The following CPN1 variants were observed in gnomAD, a reference collection of about 807,000 sequenced individuals.
The protein encoded by CPN1 is carboxypeptidase N catalytic chain.
Under a neutral mutation model 46.4 loss-of-function variants are expected in CPN1, and 37 were observed. The observed-to-expected ratio is 0.80, with a 90% confidence interval of 0.61 to 1.05. The LOEUF (loss-of-function observed/expected upper bound fraction) is 1.05, where lower values mean the gene tolerates loss of function less well. CPN1 is among the 50% of genes least tolerant of loss of function. The pLI is 0.00. For missense variants in CPN1, 563 were observed against 602.6 expected (o/e 0.93, Z 0.69); for synonymous variants, 224 against 235.4 (o/e 0.95, Z 0.44).
At chr10:100,048,650 A>G (rs555067553) in intron 8 of CPN1, 108 bp downstream of exon 8, 14 of 844,980 alleles carry the variant, frequency 1.7e-5, no homozygotes, top group African/African-American at 1.2e-4. Flanking sequence ...AGTGAGCCAC[A>G]GTGGTGCCAC....
At chr10:100,069,973 A>G in intron 2 of CPN1, 104 bp from the exon 3 acceptor site, 1 of 1,339,158 alleles carries the variant, frequency 7.5e-7, no homozygotes, top group Non-Finnish European at 1.1e-6. Flanking sequence ...CCCAGGCTGA[A>G]GTGCAGTGGT....
intron 1 of CPN1, among the ~76,000 whole-genome samples, chr10:100,078,124 T>A (rs911490696): frequency 1.3e-5 from 2 of 152,130 alleles, no homozygotes; most frequent in African/African-American, 4.8e-5. Context: ...TAGCTCAGGA[T>A]AGCCTCTCGA....
intron 3 of CPN1, among the ~76,000 whole-genome samples, chr10:100,068,647 C>T (rs1479676663): frequency 1.3e-5 from 2 of 152,180 alleles, no homozygotes; most frequent in Non-Finnish European, 2.9e-5. Context: ...TAAACTCCTT[C>T]AAGGGATCCT....
Position 100,042,581 on chromosome 10 carries a change from A to T in CPN1, c.1231-8T>A. 1 of 1,613,694 alleles carries T rather than the reference A, an allele frequency of 6.2e-7. No homozygotes were observed. Among genetic ancestry groups the T allele is most frequent in the Non-Finnish European group, 8.5e-7 (1 of 1,179,856 alleles). Reference sequence around the variant, plus strand: ...TTTGAGGTGGAAGTTAACCTGGAAGAAAAAAAGCAGGAGCTACGAGATCCG... The same window carrying T: ...TTTGAGGTGGAAGTTAACCTGGAAGTAAAAAAGCAGGAGCTACGAGATCCG... On this transcript the variant is annotated splice_region_variant and splice_polypyrimidine_tract_variant and intron_variant, in intron 8 of 8. Transcript: ENST00000370418.
At chr10:100,056,910 T>A in intron 6 of CPN1, 103 bp downstream of exon 6, 1 of 1,422,852 alleles carries the variant, frequency 7.0e-7, no homozygotes, top group Non-Finnish European at 9.9e-7. Context: ...TCTATTGGAC[T>A]GAGTCAGAGC....
intron 1 of CPN1, among the ~76,000 whole-genome samples, chr10:100,078,507 A>G (rs1043593212): frequency 1.3e-4 from 20 of 152,196 alleles, no homozygotes; most frequent in African/African-American, 4.8e-4. Context: ...TTTAAAGTCT[A>G]TTATCCAGAG....
At chr10:100,054,498 CAGTGTTTTAG>C (rs1564771813) in intron 6 of CPN1, 52 bp from the exon 7 acceptor site, 1 of 1,468,156 alleles carries the variant, frequency 6.8e-7, no homozygotes. Flanking sequence ...ACCATTTGTA[CAGTGTTTTAG>C]AGTCTCAAAG....
intron 6 of CPN1, 101 bp from the exon 7 acceptor site, chr10:100,054,547 C>T: frequency 1.1e-6 from 1 of 944,952 alleles, no homozygotes; most frequent in Non-Finnish European, 1.7e-6. Context: ...TGTATTTTAT[C>T]TTCACAAAGA....
chr10:100,071,419 CT>C (rs933230716), intron 2 of CPN1, among the ~76,000 whole-genome samples: 2 of 152,108 alleles, frequency 1.3e-5, no homozygotes, highest in African/African-American at 4.8e-5. Context: ...TTCTTTGGCT[CT>C]TAGACCCATC....
chr10:100,073,186 C>G (rs542766001), intron 2 of CPN1, among the ~76,000 whole-genome samples: 1 of 152,238 alleles, frequency 6.6e-6, no homozygotes, highest in East Asian at 1.9e-4. Context: ...CTTTAAGTTT[C>G]CTACATCAGT....
chr10:100,063,949 T>C (rs2133439459), intron 4 of CPN1, among the ~76,000 whole-genome samples: 1 of 152,334 alleles, frequency 6.6e-6, no homozygotes, highest in Non-Finnish European at 1.5e-5. Context: ...TGTGTGAATG[T>C]GACTGTGTGT....
Position 100,081,705 on chromosome 10 carries a change from C to G in CPN1, c.-80G>C. 1 of 1,173,982 alleles carries G rather than the reference C, an allele frequency of 8.5e-7. No individual in the cohort carries two copies. The highest frequency in any genetic ancestry group is 1.3e-5 in the South Asian group (1 of 77,460). The allele number at this position is 1,173,982 out of a possible 1,614,324, so 72.7% of individuals were successfully genotyped here. On this transcript the variant is annotated 5_prime_UTR_variant, in exon 1 of 9. Transcript: ENST00000370418. ...ACCTAGCCTCTTCACCCGCCAAAAT[C>G]CAAGGTCCACCTAGCTTCCCGCTTG...
chr10:100,079,013 T>A (rs965432223), intron 1 of CPN1, among the ~76,000 whole-genome samples: 1 of 152,222 alleles, frequency 6.6e-6, no homozygotes, highest in Non-Finnish European at 1.5e-5. Context: ...GCCCGTCATC[T>A]TTTCCTCCTC....
Position 100,081,534 on chromosome 10 carries a change from A to G in CPN1, c.92T>C (p.Leu31Pro), listed in dbSNP as rs1384156346. 6.2e-7 allele frequency: 1 copy of G among 1,614,086 alleles called. No homozygotes were observed. Among genetic ancestry groups the G allele is most frequent in the Non-Finnish European group, 8.5e-7 (1 of 1,180,050 alleles). ...VTFRHHRYDD[L>P]VRTLYKVQNE... ...TTGCACCTTGTACAGCGTCCGCACA[A>G]GATCATCATAGCGGTGGTGGCGAAA... is the stretch of plus-strand genomic sequence containing the variant. Residue 31 changes from leucine (L) to proline (P), a missense_variant, in exon 1 of 9, where the codon CTT becomes CCT. Leu to Pro is a moderately conservative substitution (Grantham distance 98). Transcript: ENST00000370418.
At chr10:100,064,176 G>C (rs1176098323) in intron 4 of CPN1, among the ~76,000 whole-genome samples, 1 of 151,830 alleles carries the variant, frequency 6.6e-6, no homozygotes, top group Non-Finnish European at 1.5e-5. Context: ...GCATATTTAG[G>C]GGGTGAGAGT....
At chr10:100,070,514 C>T (rs1043662312) in intron 2 of CPN1, among the ~76,000 whole-genome samples, 4 of 152,180 alleles carry the variant, frequency 2.6e-5, no homozygotes, top group Middle Eastern at 3.4e-3. Flanking sequence ...GCTGAGATTA[C>T]AGGCAAGAGC....
intron 2 of CPN1, among the ~76,000 whole-genome samples, chr10:100,071,799 G>A (rs1487102482): frequency 1.3e-5 from 2 of 152,224 alleles, no homozygotes; most frequent in African/African-American, 2.4e-5. Flanking sequence ...ATGATTTAAA[G>A]TATACAGGAG....
At position 100,081,590 on chromosome 10, in the gene CPN1, G is replaced by T. The variant is rs1269462807; in HGVS notation, c.36C>A (p.Leu12=). The T allele has an allele frequency of 6.2e-7, 1 of 1,614,064 alleles. No homozygotes were observed. Among genetic ancestry groups the T allele is most frequent in the Non-Finnish European group, 8.5e-7 (1 of 1,180,048 alleles). The change falls in exon 1 of 9, where the codon CTC becomes CTA. Residue 12 remains leucine, a synonymous_variant. Coordinates refer to ENST00000370418, the MANE Select transcript of CPN1 (RefSeq NM_001308.3). ...SDLLSVFLHL[L]LLFKLVAPVT... ...CCGGGGCAACCAACTTGAAGAGAAG[G>T]AGGAGGTGGAGGAAGACTGAGAGCA...
At chr10:100,066,484 C>T (rs1471180689) in intron 3 of CPN1, among the ~76,000 whole-genome samples, 6 of 152,224 alleles carry the variant, frequency 3.9e-5, no homozygotes, top group South Asian at 2.1e-4. Context: ...GTAGAACACA[C>T]TCCTGTGGTC....
Sources: gnomAD v4.1 joint callset for allele counts (sites outside exome capture counted in the v4.1 genomes callset) on GRCh38, gnomAD v4.1.1 for gene constraint, MANE v1.5 for transcripts, NCBI Gene and HGNC (gene_info 2026-07-23, HGNC 2026-07-21) for gene names.